The following ITPR1 variants were observed in gnomAD, a reference collection of about 807,000 sequenced individuals.
ITPR1 encodes inositol 1,4,5-trisphosphate-gated calcium channel ITPR1.
Under a neutral mutation model 318.4 loss-of-function variants are expected in ITPR1, and 96 were observed. That is an observed-to-expected ratio of 0.30 (90% CI 0.26 to 0.36). The LOEUF (loss-of-function observed/expected upper bound fraction) is 0.36. ITPR1 is among the 10% of genes least tolerant of loss of function. ITPR1 has a pLI of 1.00. For synonymous variants in ITPR1, 1,312 were observed against 1,289.9 expected (o/e 1.02, Z -0.37); for missense variants, 2,440 against 3,460.2 (o/e 0.71, Z 7.40).
At chr3:4,515,596 C>T (rs2082122994) in intron 2 of ITPR1, among the ~76,000 whole-genome samples, 1 of 152,128 alleles carries the variant, frequency 6.6e-6, no homozygotes, top group African/African-American at 2.4e-5. Flanking sequence ...GGTTCCCACT[C>T]CTCAATATTT....
intron 60 of ITPR1, among the ~76,000 whole-genome samples, chr3:4,832,725 A>G (rs145017305): frequency 6.6e-5 from 10 of 152,344 alleles, no homozygotes; most frequent in African/African-American, 2.4e-4. Flanking sequence ...ATTAAAATGG[A>G]TATTGTACAT....
intron 2 of ITPR1, among the ~76,000 whole-genome samples, chr3:4,501,267 C>G (rs2124875604): frequency 6.6e-6 from 1 of 152,198 alleles, no homozygotes; most frequent in Admixed American, 6.5e-5. Context: ...TTCTTTGTCT[C>G]ACATACACAA....
chr3:4,557,213 C>T (rs2086216312), intron 4 of ITPR1, among the ~76,000 whole-genome samples: 1 of 152,136 alleles, frequency 6.6e-6, no homozygotes, highest in South Asian at 2.1e-4. Context: ...GGGGAGGCTT[C>T]ACAATCATGG....
In ITPR1 at chr3:4,627,700, T is replaced by G. The variant is rs1189418493; in HGVS notation, c.164-63T>G. The G allele has an allele frequency of 3.2e-6, 3 of 943,708 alleles. No homozygotes were observed. The East Asian group carries it at 7.2e-5, about 23-fold the overall frequency. 58.5% of individuals were successfully genotyped at this position (943,708 alleles called of 1,614,324 possible). A position where few individuals can be genotyped will look rare whatever the true frequency, so the allele number is the denominator to read the frequency against. On this transcript the variant is annotated intron_variant, in intron 4 of 61. Transcript: ENST00000649015. ...TTTTTAAGTGGAAAGCCTTTTTTTT[T>G]TCCTTAGGCTGAGTCTCTATACACC... is the stretch of plus-strand genomic sequence containing the variant.
In ITPR1 at chr3:4,692,688, A is replaced by C. The variant is rs555544319; in HGVS notation, c.4030-802A>C. 2.0e-5 allele frequency among the ~76,000 whole-genome samples: 3 copies of C among 152,360 alleles called. No individual in the cohort carries two copies. The South Asian group carries it at 6.2e-4, about 32-fold the overall frequency. ...GCAAGAAGCCTCATCTTAGGGGACA[A>C]GTTATAAACAGGAATGCCTCAACTT... is the stretch of plus-strand genomic sequence containing the variant. On this transcript the variant is annotated intron_variant, in intron 32 of 61. Transcript: ENST00000649015.
At chr3:4,536,814 C>T (rs2083912265) in intron 4 of ITPR1, among the ~76,000 whole-genome samples, 1 of 152,170 alleles carries the variant, frequency 6.6e-6, no homozygotes, top group African/African-American at 2.4e-5. Flanking sequence ...ACAGGCCCTT[C>T]CATGAATATG....
chr3:4,568,399 G>C (rs1245009765), intron 4 of ITPR1, among the ~76,000 whole-genome samples: 1 of 152,176 alleles, frequency 6.6e-6, no homozygotes, highest in African/African-American at 2.4e-5. Context: ...TGTGCCAGAT[G>C]CAGGGGATCC....
intron 61 of ITPR1, among the ~76,000 whole-genome samples, chr3:4,840,422 G>C (rs903207344): frequency 2.0e-5 from 3 of 152,046 alleles, no homozygotes; most frequent in Non-Finnish European, 4.4e-5. Flanking sequence ...AAAAGTGCTA[G>C]AAAACACAAA....
At chr3:4,668,995 C>T (rs892280592) in intron 18 of ITPR1, among the ~76,000 whole-genome samples, 2 of 152,170 alleles carry the variant, frequency 1.3e-5, no homozygotes, top group Middle Eastern at 3.2e-3. Flanking sequence ...TCAGTTGAAG[C>T]GGGAAGCAAT....
At chr3:4,835,663 C>T (rs535769582) in intron 60 of ITPR1, among the ~76,000 whole-genome samples, 4 of 152,216 alleles carry the variant, frequency 2.6e-5, no homozygotes, top group South Asian at 2.1e-4. Context: ...TGACACCAGA[C>T]ATGTGGAATG....
chr3:4,765,204 T>A (rs1186905724), intron 44 of ITPR1, among the ~76,000 whole-genome samples: 1 of 152,058 alleles, frequency 6.6e-6, no homozygotes, highest in Admixed American at 6.5e-5. Context: ...AGGTGGTGAC[T>A]TGTGTCCTGG....
chr3:4,699,186 TA>T (rs34470493), intron 34 of ITPR1, among the ~76,000 whole-genome samples: 59,271 of 145,918 alleles, frequency 0.41, 13,908 homozygotes, highest in Non-Finnish European at 0.56. Flanking sequence ...CCATCTCTAC[TA>T]AAAAAAAAAA....
intron 4 of ITPR1, among the ~76,000 whole-genome samples, chr3:4,587,721 G>A (rs1233118565): frequency 6.6e-6 from 1 of 152,140 alleles, no homozygotes; most frequent in South Asian, 2.1e-4. Flanking sequence ...ACAGGATAAA[G>A]TGAGAAAAAG....
intron 54 of ITPR1, among the ~76,000 whole-genome samples, chr3:4,804,401 C>T (rs2048430282): frequency 6.6e-6 from 1 of 152,158 alleles, no homozygotes. Flanking sequence ...GCTGGGTGCG[C>T]AGAATCCTTG....
chr3:4,615,373 CTTTTTTTTT>C (rs11330102), intron 4 of ITPR1, among the ~76,000 whole-genome samples: 2 of 122,828 alleles, frequency 1.6e-5, no homozygotes, highest in African/African-American at 6.2e-5. Flanking sequence ...TGATTTCTTT[CTTTTTTTTT>C]TTTTTTTTTT....
At chr3:4,767,373 T>C (rs2045886169) in intron 45 of ITPR1, among the ~76,000 whole-genome samples, 2 of 152,238 alleles carry the variant, frequency 1.3e-5, no homozygotes, top group African/African-American at 2.4e-5. Flanking sequence ...TCTCCAGACA[T>C]TGCCAGTTGT....
In ITPR1 at chr3:4,723,915, C is replaced by G. The variant is rs888688032; in HGVS notation, c.5137-1631C>G. 7.9e-5 allele frequency among the ~76,000 whole-genome samples: 12 copies of G among 152,228 alleles called. No homozygotes were observed. The South Asian group carries it at 2.5e-3, about 32-fold the overall frequency. On this transcript the variant is annotated intron_variant, in intron 40 of 61. Coordinates refer to ENST00000649015, the MANE Select transcript of ITPR1 (RefSeq NM_001378452.1). ...TTAATTCTGCTTTTTCTCATATGTTCTTTTTGCACTAAGGGAAGATAGCAA... is the reference window on the plus strand; with the variant it reads ...TTAATTCTGCTTTTTCTCATATGTTGTTTTTGCACTAAGGGAAGATAGCAA...
chr3:4,842,053 C>A (rs972079138), intron 61 of ITPR1, among the ~76,000 whole-genome samples: 4 of 152,182 alleles, frequency 2.6e-5, no homozygotes, highest in Non-Finnish European at 5.9e-5. Flanking sequence ...TGTTATAAAC[C>A]AGAAATGTGG....
chr3:4,663,162 A>C lies in ITPR1; in HGVS notation c.1510A>C (p.Arg504=). The change falls in exon 16 of 62, where the codon AGA becomes CGA. Residue 504 remains arginine, a synonymous_variant. Transcript: ENST00000649015. ...VLEVVFSKPN[R]ERQKLMREQN... ...CGAAGTTGTCTTCTCCAAGCCCAAC[A>C]GAGAACGGCAGAAACTGATGAGAGA... 1 of 1,613,812 alleles carries C rather than the reference A, an allele frequency of 6.2e-7. No homozygotes were observed. Among genetic ancestry groups the C allele is most frequent in the African/African-American group, 1.3e-5 (1 of 75,040 alleles).
Sources: allele counts gnomAD v4.1 joint callset (sites outside exome capture counted in the v4.1 genomes callset), GRCh38; gene constraint gnomAD v4.1.1; transcripts MANE v1.5; gene names NCBI Gene and HGNC (gene_info 2026-07-23, HGNC 2026-07-21).